CRBN: variants seen among roughly 807,000 people sequenced by gnomAD.
CRBN encodes cereblon.
A neutral mutation model predicts 62.2 loss-of-function variants in CRBN; 53 were observed. The observed-to-expected ratio is 0.85, with a 90% CI of 0.68 to 1.07. CRBN has a LOEUF of 1.07. CRBN is among the 50% of genes least tolerant of loss of function. CRBN has a pLI of 0.00. For missense variants in CRBN, 616 were observed against 531.1 expected (o/e 1.16, Z -1.57); for synonymous variants, 208 against 176.1 (o/e 1.18, Z -1.43).
intron 3 of CRBN, among the ~76,000 whole-genome samples, chr3:3,173,268 G>A (rs1707699624): frequency 6.6e-6 from 1 of 152,094 alleles, no homozygotes; most frequent in East Asian, 1.9e-4. Flanking sequence ...ATGTTGGTCA[G>A]GCTGGTCTCA....
At chr3:3,164,619 G>C (rs1707256185) in intron 5 of CRBN, among the ~76,000 whole-genome samples, 1 of 152,184 alleles carries the variant, frequency 6.6e-6, no homozygotes, top group Non-Finnish European at 1.5e-5. Flanking sequence ...CATCTGTTTA[G>C]ATAATGGTTT....
intron 6 of CRBN, 110 bp downstream of exon 6, chr3:3,156,104 ATATCT>A (rs1260951271): frequency 1.2e-5 from 11 of 894,950 alleles, no homozygotes; most frequent in East Asian, 5.0e-5. Flanking sequence ...ACTCTTAACG[ATATCT>A]TAAGTTATAA....
At chr3:3,159,095 C>G (rs2126058542) in intron 5 of CRBN, among the ~76,000 whole-genome samples, 1 of 152,272 alleles carries the variant, frequency 6.6e-6, no homozygotes, top group African/African-American at 2.4e-5. Flanking sequence ...TTTCCTAAGG[C>G]TTCCCTAGCC....
Position 3,179,681 on chromosome 3 carries a change from C to T in CRBN, c.7G>A (p.Gly3Ser), listed in dbSNP as rs757719993. MA[G>S]EGDQQDAAHN... ...GCAGCGTCCTGCTGATCTCCTTCGC[C>T]GGCCATGTCTGTTTACCCGCAAAGG... Residue 3 changes from glycine (G) to serine (S), a missense_variant, in exon 1 of 11, where the codon GGC (glycine) becomes AGC (serine). By Grantham distance (56) the Gly-to-Ser change is moderately conservative. Transcript: ENST00000231948. 3 of 1,613,280 alleles carry T rather than the reference C, an allele frequency of 1.9e-6. No individual in the cohort carries two copies. Among genetic ancestry groups the T allele is most frequent in the Middle Eastern group, 1.6e-4 (1 of 6,062 alleles).
At chr3:3,163,698 C>T (rs1489147263) in intron 5 of CRBN, among the ~76,000 whole-genome samples, 6 of 152,082 alleles carry the variant, frequency 3.9e-5, no homozygotes, top group East Asian at 3.9e-4. Context: ...TGCAAAGAAG[C>T]GTTAATTTAG....
intron 7 of CRBN, 22 bp from the exon 8 acceptor site, chr3:3,154,097 G>A: frequency 1.4e-6 from 2 of 1,442,242 alleles, no homozygotes; most frequent in Non-Finnish European, 9.8e-7. Context: ...GGTTTTTCAA[G>A]TTTTAAACTT....
chr3:3,154,230 A>AGAT lies in CRBN; in HGVS notation c.836-158_836-156dup, dbSNP rs1223332761. The stretch of plus-strand genomic sequence containing the variant: ...AATACAAAAATATACCAGCTGTCAA[A>AGAT]GATACACTTTTCAGAAGCTCTAAAT... On this transcript the variant is annotated intron_variant, in intron 7 of 10. Coordinates refer to ENST00000231948, the MANE Select transcript of CRBN (RefSeq NM_016302.4). 1.8e-5 allele frequency: 11 copies of AGAT among 621,852 alleles called. No individual in the cohort carries two copies. In the East Asian group the frequency reaches 2.5e-4, roughly 14 times the overall value. 38.5% of individuals were successfully genotyped at this position (621,852 alleles called of 1,614,324 possible).
chr3:3,167,763 G>C lies in CRBN; in HGVS notation c.558C>G (p.Pro186=). 3.7e-6 allele frequency: 6 copies of C among 1,613,412 alleles called. No homozygotes were observed. Among genetic ancestry groups the C allele is most frequent in the Non-Finnish European group, 4.2e-6 (5 of 1,179,558 alleles). ...GIQQAKVQIL[P]ECVLPSTMSA... is the part of the protein sequence containing the mutation. ...ACATGGTTGAAGGCAACACACATTC[G>C]GGAAGAATTTGCACTTTAGCTTGCT... Residue 186 remains proline, a synonymous_variant, in exon 5 of 11, where the codon CCC becomes CCG. Coordinates refer to ENST00000231948, the MANE Select transcript of CRBN (RefSeq NM_016302.4).
chr3:3,169,905 A>AT lies in CRBN; in HGVS notation c.528-2113dup, dbSNP rs398105530. Among the ~76,000 whole-genome samples the AT allele has an allele frequency of 4.7e-4, 71 of 150,044 alleles. No homozygotes were observed. The Middle Eastern group carries it at 0.014, about 29-fold the overall frequency. On this transcript the variant is annotated intron_variant, in intron 4 of 10. Coordinates refer to ENST00000231948, the MANE Select transcript of CRBN (RefSeq NM_016302.4). ...TGAGACCTGTTTTTATTAAAAAAAAATTTCTATGTGTTCAGAAGATGCCCA... is the reference window on the plus strand; with the variant it reads ...TGAGACCTGTTTTTATTAAAAAAAAATTTTCTATGTGTTCAGAAGATGCCCA...
At chr3:3,154,929 A>T (rs1445019123) in intron 6 of CRBN, 98 bp from the exon 7 acceptor site, 2 of 752,258 alleles carry the variant, frequency 2.7e-6, no homozygotes, top group East Asian at 2.5e-5. Context: ...GTAGCAATTT[A>T]ATCACTCAGT....
intron 10 of CRBN, 104 bp downstream of exon 10, chr3:3,152,352 C>G (rs1706625668): frequency 1.6e-6 from 2 of 1,274,958 alleles, no homozygotes; most frequent in Non-Finnish European, 2.2e-6. Context: ...TGTCTGTCTA[C>G]TTTTTATTAT....
Position 3,156,252 on chromosome 3 carries a change from T to C in CRBN, c.717A>G (p.Ser239=), listed in dbSNP as rs1281024557. The C allele has an allele frequency of 1.2e-6, 2 of 1,613,942 alleles. No homozygotes were observed. The highest frequency in any genetic ancestry group is 1.3e-5 in the African/African-American group (1 of 74,930). ...ATAAGGAATACAGCCAGCGAGGCCA[T>C]GAAGTTAGATTTGCACAATGAAACT... The part of the protein sequence containing the change: ...KRKFHCANLT[S]WPRWLYSLYD... Residue 239 remains serine, a synonymous_variant, in exon 6 of 11, where the codon TCA becomes TCG. Transcript: ENST00000231948.
downstream of CRBN, chr3:3,149,661 T>TAA (rs1274983378): frequency 2.0e-5 from 3 of 151,582 alleles, no homozygotes; most frequent in Non-Finnish European, 4.4e-5. Flanking sequence ...ATTAAAGTAG[T>TAA]AAAAGTAGAC....
At chr3:3,157,559 GAT>G (rs1706950093) in intron 5 of CRBN, among the ~76,000 whole-genome samples, 1 of 152,136 alleles carries the variant, frequency 6.6e-6, no homozygotes, top group Non-Finnish European at 1.5e-5. Flanking sequence ...TACGCTGAAT[GAT>G]ACTTACCCTA....
chr3:3,153,398 T>C (rs761957765), intron 9 of CRBN, 26 bp downstream of exon 9: 2 of 1,240,338 alleles, frequency 1.6e-6, no homozygotes, highest in South Asian at 1.2e-5. Flanking sequence ...AAGGCAAGTA[T>C]ATTAAAAACG....
chr3:3,172,889 T>C lies in CRBN; in HGVS notation c.414A>G (p.Thr138=), dbSNP rs971320090. ...VQEREAQFGT[T]AEIYAYREEQ... ...CTTCTCGATAGGCATATATCTCTGC[T>C]GTTGTTCCAAACTGTGCTTCCCTTT... Residue 138 remains threonine, a synonymous_variant, in exon 4 of 11, where the codon ACA becomes ACG. Transcript: ENST00000231948. 5.0e-6 allele frequency: 8 copies of C among 1,613,832 alleles called. No individual in the cohort carries two copies. The highest frequency in any genetic ancestry group is 5.9e-6 in the Non-Finnish European group (7 of 1,179,730).
In CRBN at chr3:3,156,231, G is replaced by A; in HGVS notation, c.738C>T (p.Ser246=). The part of the protein sequence containing the change: ...NLTSWPRWLY[S]LYDAETLMDR... ...GTAAGTTACTTACAGCATCATATAA[G>A]GAATACAGCCAGCGAGGCCATGAAG... The change falls in exon 6 of 11, where the codon TCC becomes TCT. Residue 246 remains serine (S), a synonymous_variant. Coordinates refer to ENST00000231948, the MANE Select transcript of CRBN (RefSeq NM_016302.4). 6.2e-7 allele frequency: 1 copy of A among 1,613,492 alleles called. No individual in the cohort carries two copies. The highest frequency in any genetic ancestry group is 1.1e-5 in the South Asian group (1 of 91,064).
At position 3,150,233 on chromosome 3, in the gene CRBN, T is replaced by G. The variant is rs1706413909; in HGVS notation, c.*632A>C. 6.6e-6 allele frequency: 1 copy of G among 152,600 alleles called. No homozygotes were observed. Among genetic ancestry groups the G allele is most frequent in the South Asian group, 2.1e-4 (1 of 4,860 alleles). 9.5% of individuals were successfully genotyped at this position (152,600 alleles called of 1,614,324 possible). ...ACTGAGCAAATACACAATACTACTT[T>G]TTACTAACAGGCACATAAAGGAAAT... On this transcript the variant is annotated 3_prime_UTR_variant, in exon 11 of 11. Transcript: ENST00000231948.
rs1706641683 is a variant in CRBN at position 3,152,502 on chromosome 3, A to G, written c.1102T>C (p.Leu368=). The G allele has an allele frequency of 6.2e-7, 1 of 1,614,108 alleles. No individual in the cohort carries two copies. The highest frequency in any genetic ancestry group is 8.5e-7 in the Non-Finnish European group (1 of 1,179,996). ...ETLTVYKACN[L]NLIGRPSTEH... is the part of the protein sequence containing the mutation. Reference sequence around the variant, plus strand: ...GTAGAAGGCCGGCCTATCAGATTCAAGTTGCAAGCCTTATACACAGTAAGT... The same window carrying G: ...GTAGAAGGCCGGCCTATCAGATTCAGGTTGCAAGCCTTATACACAGTAAGT... Residue 368 remains leucine (L), a synonymous_variant, in exon 10 of 11, where the codon TTG becomes CTG. Transcript: ENST00000231948.
Sources: allele counts gnomAD v4.1 joint callset (sites outside exome capture counted in the v4.1 genomes callset), GRCh38; gene constraint gnomAD v4.1.1; transcripts MANE v1.5; gene names NCBI Gene and HGNC (gene_info 2026-07-23, HGNC 2026-07-21).